The following CACNA1B variants were observed in gnomAD, a reference collection of about 807,000 sequenced individuals.
CACNA1B encodes calcium voltage-gated channel subunit alpha1 B, also known as voltage-dependent N-type calcium channel subunit alpha-1B.
CACNA1B carries 70 observed loss-of-function variants against 247.2 expected under a neutral mutation model. The ratio of observed to expected loss-of-function variants is 0.28; its 90% confidence interval spans 0.23 to 0.35. CACNA1B has a LOEUF of 0.35. CACNA1B is among the 10% of genes least tolerant of loss of function. The pLI is 1.00. For synonymous variants in CACNA1B, 1,231 were observed against 1,294.4 expected (o/e 0.95, Z 1.05); for missense variants, 2,367 against 3,197.4 (o/e 0.74, Z 6.26).
At chr9:137,976,194 G>A (rs1266569945) in intron 12 of CACNA1B, among the ~76,000 whole-genome samples, 175 bp downstream of exon 12, 1 of 152,254 alleles carries the variant, frequency 6.6e-6, no homozygotes. Context: ...CTGTCCTGGC[G>A]GGGCCTGACT....
At chr9:137,944,773 G>A (rs1224788308) in intron 6 of CACNA1B, among the ~76,000 whole-genome samples, 2 of 152,272 alleles carry the variant, frequency 1.3e-5, no homozygotes, top group East Asian at 3.9e-4. Context: ...CTTCCCTAAG[G>A]GGTAGCAGGG....
At chr9:138,069,654 T>C (rs1960049578) in intron 31 of CACNA1B, 104 bp from the exon 32 acceptor site, 7 of 824,648 alleles carry the variant, frequency 8.5e-6, no homozygotes, top group Admixed American at 5.8e-5. Context: ...CAACATACAA[T>C]GCGAAAACCC....
intron 32 of CACNA1B, among the ~76,000 whole-genome samples, chr9:138,070,785 T>C (rs1960102110): frequency 6.6e-6 from 1 of 152,196 alleles, no homozygotes; most frequent in Non-Finnish European, 1.5e-5. Flanking sequence ...CTGTCCTCTT[T>C]CTCCACCACA....
rs1008742493 is a variant in CACNA1B, at chr9:138,011,745, C to T, written c.2161-1384C>T. Among the ~76,000 whole-genome samples, 16 of 152,112 alleles carry T rather than the reference C, an allele frequency of 1.1e-4. No homozygotes were observed. The highest frequency in any genetic ancestry group is 1.9e-4 in the East Asian group (1 of 5,182). On this transcript the variant is annotated intron_variant, in intron 17 of 46. Coordinates refer to ENST00000371372, the MANE Select transcript of CACNA1B (RefSeq NM_000718.4). The surrounding 1 kb of genome is among the most constrained non-coding windows in gnomAD (Gnocchi z 4.2). ...TTGCCTCCTCTCTGGGCTTGAAGTTCGAAGGTCTCTCCTCTGTGGAGGGAA... is the reference window on the plus strand; with the variant it reads ...TTGCCTCCTCTCTGGGCTTGAAGTTTGAAGGTCTCTCCTCTGTGGAGGGAA...
chr9:138,103,020 C>G (rs1029801720), intron 38 of CACNA1B, among the ~76,000 whole-genome samples: 3 of 152,206 alleles, frequency 2.0e-5, no homozygotes, highest in Admixed American at 2.0e-4. Flanking sequence ...TGATGTCTCA[C>G]TGGCCTCTTG....
rs1192194605 is a variant in CACNA1B, at chr9:137,913,746, A to G, written c.622+475A>G. Among the ~76,000 whole-genome samples, 3 of 152,204 alleles carry G rather than the reference A, an allele frequency of 2.0e-5. No individual in the cohort carries two copies. In the East Asian group the frequency reaches 5.8e-4, roughly 29 times the overall value. On this transcript the variant is annotated intron_variant, in intron 4 of 46. Transcript: ENST00000371372. This position sits in a 1 kb window ranked among gnomAD's most constrained non-coding sequence, Gnocchi z 5.2. Reference sequence around the variant, plus strand: ...GCCCACAGAGCCTGCCATGAGCAGGAGGATGGCCAGGGTGACCTCATGAGC... The same window carrying G: ...GCCCACAGAGCCTGCCATGAGCAGGGGGATGGCCAGGGTGACCTCATGAGC...
chr9:137,984,332 G>A, intron 13 of CACNA1B, 82 bp downstream of exon 13: 4 of 933,328 alleles, frequency 4.3e-6, no homozygotes, highest in South Asian at 1.4e-5. Flanking sequence ...CTTGTCCCCA[G>A]GAGTTCACAG....
Position 137,950,166 on chromosome 9 carries a change from C to T in CACNA1B, c.967-2108C>T, listed in dbSNP as rs149301942. ...GTAGCGTGTTCTCCTTACTGCTGGG[C>T]GGGGGTGGCCGGTCTGGCTCCCCAC... On this transcript the variant is annotated intron_variant, in intron 6 of 46. Coordinates refer to ENST00000371372, the MANE Select transcript of CACNA1B (RefSeq NM_000718.4). This position sits in a 1 kb window ranked among gnomAD's most constrained non-coding sequence, Gnocchi z 4.8. 0.011 allele frequency among the ~76,000 whole-genome samples: 1,690 copies of T among 152,198 alleles called. 37 individuals are homozygous for T. Among genetic ancestry groups the T allele is most frequent in the African/African-American group, 0.038 (1,594 of 41,520 alleles).
chr9:137,929,073 A>G (rs1428068287), intron 6 of CACNA1B, among the ~76,000 whole-genome samples: 2 of 152,210 alleles, frequency 1.3e-5, no homozygotes, highest in Admixed American at 6.5e-5. Flanking sequence ...TGCAAGGAAT[A>G]TGTTTTCATT....
chr9:138,062,173 C>G (rs1042675189), intron 31 of CACNA1B, among the ~76,000 whole-genome samples: 3 of 152,198 alleles, frequency 2.0e-5, no homozygotes, highest in African/African-American at 7.2e-5. Flanking sequence ...GCCTAGGACC[C>G]TGTTATCCTC....
chr9:137,947,284 CTG>C (rs1957807916), intron 6 of CACNA1B, among the ~76,000 whole-genome samples: 1 of 152,134 alleles, frequency 6.6e-6, no homozygotes, highest in African/African-American at 2.4e-5. Context: ...ATTTTTTCAT[CTG>C]TGACACAGTG....
intron 10 of CACNA1B, among the ~76,000 whole-genome samples, chr9:137,960,422 CA>C (rs1958004923): frequency 8.0e-5 from 1 of 12,544 alleles, no homozygotes; most frequent in African/African-American, 3.1e-4. Context: ...GAGGGGAGGT[CA>C]GCCTGAGAGA....
rs982746010 is a variant in CACNA1B, at chr9:138,075,810, C to T, written c.4858-9C>T. ...GCAGGGTCCGTGCCATTGCTCTTCT[C>T]CATTGCAGGTGTTTGGGAATATTGC... On this transcript the variant is annotated splice_polypyrimidine_tract_variant and intron_variant, in intron 34 of 46. Transcript: ENST00000371372. 1 of 1,585,690 alleles carries T rather than the reference C, an allele frequency of 6.3e-7. No homozygotes were observed. The highest frequency in any genetic ancestry group is 8.6e-7 in the Non-Finnish European group (1 of 1,156,856).
chr9:137,911,342 A>G (rs1957357401), intron 3 of CACNA1B, among the ~76,000 whole-genome samples: 1 of 151,962 alleles, frequency 6.6e-6, no homozygotes, highest in South Asian at 2.1e-4. Context: ...TCCTCAGGTA[A>G]CCTGGCATTT....
At position 138,047,992 on chromosome 9, in the gene CACNA1B, C is replaced by T. The variant is rs190291491; in HGVS notation, c.3603+534C>T. On this transcript the variant is annotated intron_variant, in intron 23 of 46. Coordinates refer to ENST00000371372, the MANE Select transcript of CACNA1B (RefSeq NM_000718.4). Reference sequence around the variant, plus strand: ...CTAGTGTGGCCCTTGTGTGTTTATGCAGGTGTGCCTTCAGTGTGGTTGAGT... The same window carrying T: ...CTAGTGTGGCCCTTGTGTGTTTATGTAGGTGTGCCTTCAGTGTGGTTGAGT... Among the ~76,000 whole-genome samples the T allele has an allele frequency of 4.0e-4, 61 of 152,312 alleles. 1 individual carries two copies. The highest frequency in any genetic ancestry group is 1.6e-3 in the Admixed American group (25 of 15,304).
At chr9:138,086,972 T>TTTTTTTTTTTTTTTTTTTTGAG (rs1960713032) in intron 36 of CACNA1B, among the ~76,000 whole-genome samples, 1 of 151,318 alleles carries the variant, frequency 6.6e-6, no homozygotes, top group African/African-American at 2.4e-5. Flanking sequence ...GTATTTTTTC[T>TTTTTTTTTTTTTTTTTTTTGAG]AACAATAATA....
At chr9:137,961,457 G>C (rs972116616) in intron 10 of CACNA1B, among the ~76,000 whole-genome samples, 1 of 152,172 alleles carries the variant, frequency 6.6e-6, no homozygotes, top group African/African-American at 2.4e-5. Context: ...TTTTCAAGGG[G>C]AATGCTTCCA....
In CACNA1B at chr9:138,069,155, C is replaced by T. The variant is rs191677370; in HGVS notation, c.4669-603C>T. Among the ~76,000 whole-genome samples the T allele has an allele frequency of 3.3e-5, 5 of 152,204 alleles. No homozygotes were observed. In the East Asian group the frequency reaches 9.7e-4, roughly 29 times the overall value. On this transcript the variant is annotated intron_variant, in intron 31 of 46. Coordinates refer to ENST00000371372, the MANE Select transcript of CACNA1B (RefSeq NM_000718.4). ...GATGAAGGGAAAGCCATCGTGTGGA[C>T]TGGTGGTGCTTTGTTTTGTTTGTGT...
At chr9:137,941,129 T>G (rs1042937989) in intron 6 of CACNA1B, among the ~76,000 whole-genome samples, 22 of 152,186 alleles carry the variant, frequency 1.4e-4, no homozygotes, top group African/African-American at 5.1e-4. Flanking sequence ...AGACTGTCGC[T>G]GTTTGTTTGC....
Sources: gnomAD v4.1 joint callset for allele counts (sites outside exome capture counted in the v4.1 genomes callset) on GRCh38, gnomAD v4.1.1 for gene constraint, Gnocchi (gnomAD v3.1) non-coding constraint, MANE v1.5 for transcripts, NCBI Gene and HGNC (gene_info 2026-07-23, HGNC 2026-07-21) for gene names.